Variants in STAT5A observed in about 807,000 individuals in gnomAD.
STAT5A encodes the protein signal transducer and activator of transcription 5A.
A neutral mutation model predicts 100.2 loss-of-function variants in STAT5A; 26 were observed. The ratio of observed to expected loss-of-function variants is 0.26; its 90% confidence interval spans 0.19 to 0.36. The LOEUF is 0.36. Ranked by LOEUF, STAT5A falls within the 10% of genes least tolerant of loss-of-function variation. STAT5A has a pLI of 1.00. For missense variants in STAT5A, 634 were observed against 1,027.5 expected (o/e 0.62, Z 5.24); for synonymous variants, 330 against 424.3 (o/e 0.78, Z 2.73).
chr17:42,299,863 A>T lies in STAT5A; in HGVS notation c.663A>T (p.Thr221=), dbSNP rs760140777. ...CCTGGTTGCAGCGTGAGGCACAGAC[A>T]CTGCAGCAGTACCGCGTGGTGAGTG... The part of the protein sequence containing the change: ...LEAWLQREAQ[T]LQQYRVELAE... Residue 221 remains threonine, a synonymous_variant, in exon 6 of 19, where the codon ACA becomes ACT. Transcript: ENST00000590949. 1 of 1,610,282 alleles carries T rather than the reference A, an allele frequency of 6.2e-7. No individual in the cohort carries two copies. Among genetic ancestry groups the T allele is most frequent in the African/African-American group, 1.3e-5 (1 of 74,382 alleles).
chr17:42,306,032 C>A (rs1269750785), intron 12 of STAT5A: 3 of 807,192 alleles, frequency 3.7e-6, no homozygotes, highest in Middle Eastern at 2.4e-4. Context: ...CATGCCCCCA[C>A]CCCCTGCATC....
At chr17:42,306,660 C>T (rs977763297) in intron 13 of STAT5A, among the ~76,000 whole-genome samples, 12 of 137,374 alleles carry the variant, frequency 8.7e-5, no homozygotes, top group South Asian at 4.8e-4. Flanking sequence ...AGCGAGATGA[C>T]GGAGGGCCCA....
At chr17:42,310,084 T>C (rs564441007) in intron 18 of STAT5A, among the ~76,000 whole-genome samples, 2 of 152,338 alleles carry the variant, frequency 1.3e-5, no homozygotes, top group East Asian at 1.9e-4. Flanking sequence ...CACTCTCCAG[T>C]TGGCTGTAAA....
At chr17:42,302,188 G>A (rs1162771817) in intron 9 of STAT5A, among the ~76,000 whole-genome samples, 1 of 152,208 alleles carries the variant, frequency 6.6e-6, no homozygotes, top group Non-Finnish European at 1.5e-5. Flanking sequence ...ACAAAGTATG[G>A]TGTTGTAGCT....
chr17:42,300,631 G>T (rs1197064404), intron 7 of STAT5A, 84 bp from the exon 8 acceptor site: 1 of 1,610,480 alleles, frequency 6.2e-7, no homozygotes, highest in Non-Finnish European at 8.5e-7. Flanking sequence ...GAGCCTTCCT[G>T]GGGGAACGGG....
intron 7 of STAT5A, among the ~76,000 whole-genome samples, 186 bp from the exon 8 acceptor site, chr17:42,300,529 C>G (rs913373716): frequency 6.6e-6 from 1 of 152,056 alleles, no homozygotes; most frequent in African/African-American, 2.4e-5. Flanking sequence ...CTGTTTGGGC[C>G]TAGTCAGGGT....
chr17:42,303,515 G>C (rs543907352), intron 9 of STAT5A, among the ~76,000 whole-genome samples: 1 of 152,288 alleles, frequency 6.6e-6, no homozygotes, highest in East Asian at 1.9e-4. Flanking sequence ...TTCGAAACCA[G>C]CCTGAGTAAC....
intron 2 of STAT5A, 36 bp from the exon 3 acceptor site, chr17:42,289,829 TG>T: frequency 6.8e-7 from 1 of 1,475,630 alleles, no homozygotes; most frequent in Non-Finnish European, 9.0e-7. Flanking sequence ...CCCAAGGAGG[TG>T]CCACAGTAGG....
chr17:42,310,469 C>A, intron 18 of STAT5A, 38 bp from the exon 19 acceptor site: 1 of 1,606,660 alleles, frequency 6.2e-7, no homozygotes, highest in East Asian at 2.2e-5. Context: ...GGCTGTGAGA[C>A]ATGCCAGCTC....
intron 4 of STAT5A, among the ~76,000 whole-genome samples, chr17:42,292,314 G>GC (rs1555557279): frequency 1.3e-5 from 2 of 150,636 alleles, no homozygotes; most frequent in African/African-American, 4.9e-5. Context: ...CTCTGTTCCT[G>GC]TTTTTTTTTC....
At chr17:42,299,645 G>T (rs538224573) in intron 5 of STAT5A, 106 bp from the exon 6 acceptor site, 2 of 1,575,596 alleles carry the variant, frequency 1.3e-6, no homozygotes, top group Non-Finnish European at 1.7e-6. Flanking sequence ...TTGATGCAGT[G>T]TCTGAGCCTG....
At position 42,310,624 on chromosome 17, in the gene STAT5A, G is replaced by GC; in HGVS notation, c.2345dup (p.Ala783CysfsTer16). 1 of 1,614,090 alleles carries GC rather than the reference G, an allele frequency of 6.2e-7. No individual in the cohort carries two copies. On this transcript the variant is annotated frameshift_variant, in exon 19 of 19. Coordinates refer to ENST00000590949, the MANE Select transcript of STAT5A (RefSeq NM_001288718.2). LOFTEE classifies it low-confidence loss of function (END_TRUNC). Reference sequence around the variant, plus strand: ...TGGACAGTCTTGACTCCCGCCTCTCGCCCCCTGCCGGTCTTTTCACCTCTG... The same window carrying GC: ...TGGACAGTCTTGACTCCCGCCTCTCGCCCCCCTGCCGGTCTTTTCACCTCTG...
In STAT5A at chr17:42,288,827, G is replaced by GA. The variant is rs2080839386; in HGVS notation, c.-11+230dup. Among the ~76,000 whole-genome samples, 1 of 151,808 alleles carries GA rather than the reference G, an allele frequency of 6.6e-6. No homozygotes were observed. Among genetic ancestry groups the GA allele is most frequent in the Non-Finnish European group, 1.5e-5 (1 of 68,028 alleles). Reference sequence around the variant, plus strand: ...GGGCGCCGTCCTGGCACGCCTCGGAGAGGGAGCACCTGTCGGGCTGGACCC... The same window carrying GA: ...GGGCGCCGTCCTGGCACGCCTCGGAGAAGGGAGCACCTGTCGGGCTGGACCC... On this transcript the variant is annotated intron_variant, in intron 1 of 18. Transcript: ENST00000590949. This position sits in a 1 kb window ranked among gnomAD's most constrained non-coding sequence, Gnocchi z 4.8.
intron 18 of STAT5A, among the ~76,000 whole-genome samples, chr17:42,310,257 G>A (rs936831501): frequency 1.3e-5 from 2 of 152,284 alleles, no homozygotes; most frequent in African/African-American, 4.8e-5. Context: ...TTAAGATGAG[G>A]ACACGGAGAG....
intron 3 of STAT5A, 30 bp downstream of exon 3, chr17:42,290,052 G>T (rs1359211414): frequency 6.4e-7 from 1 of 1,573,512 alleles, no homozygotes; most frequent in Non-Finnish European, 8.6e-7. Flanking sequence ...CACCTACGGG[G>T]AGGAAGCATC....
intron 4 of STAT5A, among the ~76,000 whole-genome samples, chr17:42,292,859 A>G (rs2080884300): frequency 6.6e-6 from 1 of 151,742 alleles, no homozygotes; most frequent in African/African-American, 2.4e-5. Flanking sequence ...TGAACTCCTG[A>G]CCTCATGATC....
rs138107030 is a variant in STAT5A at position 42,295,848 on chromosome 17, A to G, written c.550+55A>G. The G allele has an allele frequency of 7.9e-4, 1,264 of 1,590,846 alleles. 12 individuals carry two copies. In the African/African-American group the frequency reaches 0.015, roughly 19 times the overall value. On this transcript the variant is annotated intron_variant, in intron 5 of 18. Coordinates refer to ENST00000590949, the MANE Select transcript of STAT5A (RefSeq NM_001288718.2). ...GGAGGGTGGGAGTGAGGAACATTCT[A>G]TGGACTCCTAGAGGGTAGAGCTGGG...
Position 42,310,953 on chromosome 17 carries a change from T to TG in STAT5A, c.*285dup. On this transcript the variant is annotated 3_prime_UTR_variant, in exon 19 of 19. Transcript: ENST00000590949. ...AGCCTCTGTCACTGCAGGCACTCAA[T>TG]GCAGCCAGACCTATTCCTCCTGGGC... is the stretch of plus-strand genomic sequence containing the variant. 2.1e-6 allele frequency: 1 copy of TG among 476,746 alleles called. No individual in the cohort carries two copies. Among genetic ancestry groups the TG allele is most frequent in the Non-Finnish European group, 3.8e-6 (1 of 260,590 alleles). 29.5% of individuals were successfully genotyped at this position (476,746 alleles called of 1,614,324 possible).
rs185545131 is a variant in STAT5A, at chr17:42,289,389, C to T, written c.-10-13C>T. ...CTGCAGAGGAGAGCGCTTCAGCGCT[C>T]GGCTCGCCCTAGGTGAACGGCCATG... On this transcript the variant is annotated splice_polypyrimidine_tract_variant and intron_variant, in intron 1 of 18. Transcript: ENST00000590949. The T allele has an allele frequency of 2.4e-4, 386 of 1,595,948 alleles. 1 individual carries two copies. In the African/African-American group the frequency reaches 4.7e-3, roughly 19 times the overall value.
Sources: gnomAD v4.1 joint callset for allele counts (sites outside exome capture counted in the v4.1 genomes callset) on GRCh38, gnomAD v4.1.1 for gene constraint, Gnocchi (gnomAD v3.1) non-coding constraint, MANE v1.5 for transcripts, NCBI Gene and HGNC (gene_info 2026-07-23, HGNC 2026-07-21) for gene names.